The following MRPL13 variants were observed in gnomAD, a reference collection of about 807,000 sequenced individuals.
MRPL13 encodes large ribosomal subunit protein uL13m.
MRPL13 carries 33 observed loss-of-function variants against 29.0 expected under a neutral mutation model. The ratio of observed to expected loss-of-function variants is 1.14; its 90% CI spans 0.86 to 1.52. The LOEUF is 1.52. MRPL13 is among the 40% of genes most tolerant of loss of function. The pLI is 0.00. For missense variants in MRPL13, 227 were observed against 216.7 expected (o/e 1.05, Z -0.30); for synonymous variants, 77 against 68.4 (o/e 1.13, Z -0.62).
At chr8:120,397,361 G>A (rs1812536360) in intron 6 of MRPL13, among the ~76,000 whole-genome samples, 1 of 152,292 alleles carries the variant, frequency 6.6e-6, no homozygotes, top group South Asian at 2.1e-4. Flanking sequence ...AGGGAGCCAA[G>A]CGGTGTTGTT....
At chr8:120,427,680 A>T (rs1294188237) in intron 3 of MRPL13, among the ~76,000 whole-genome samples, 1 of 152,068 alleles carries the variant, frequency 6.6e-6, no homozygotes, top group East Asian at 1.9e-4. Context: ...ACCAGAGATG[A>T]AGGCTGGGTA....
intron 6 of MRPL13, among the ~76,000 whole-genome samples, chr8:120,400,059 A>G (rs897617754): frequency 3.3e-5 from 5 of 152,198 alleles, no homozygotes; most frequent in African/African-American, 1.2e-4. Flanking sequence ...CCCCACTGAC[A>G]ATATTTGACA....
intron 3 of MRPL13, among the ~76,000 whole-genome samples, chr8:120,428,140 A>C (rs1470171298): frequency 8.7e-5 from 13 of 149,546 alleles, no homozygotes; most frequent in African/African-American, 2.2e-4. Flanking sequence ...AAAAAAAAAA[A>C]AAAAAAACCA....
rs1473986715 is a variant in MRPL13 at position 120,414,172 on chromosome 8, A to T, written c.394-60T>A. ...AAAATATCTTTCTTAGCAATAAATT[A>T]CTAATACTTCATAAGTGTTAAAAAA... On this transcript the variant is annotated intron_variant, in intron 5 of 6. Transcript: ENST00000306185. The T allele has an allele frequency of 1.6e-5, 20 of 1,217,282 alleles. No individual in the cohort carries two copies. The African/African-American group carries it at 2.9e-4, about 18-fold the overall frequency. The allele number at this position is 1,217,282 out of a possible 1,614,324, so 75.4% of individuals were successfully genotyped here. A position where few individuals can be genotyped will look rare whatever the true frequency, so the allele number is the denominator to read the frequency against.
intron 2 of MRPL13, among the ~76,000 whole-genome samples, chr8:120,438,236 C>A (rs567620486): frequency 1.3e-5 from 2 of 152,118 alleles, no homozygotes; most frequent in Non-Finnish European, 2.9e-5. Context: ...TGATGGTACA[C>A]GCCTATAGTC....
At chr8:120,413,677 G>C (rs1192483148) in intron 6 of MRPL13, among the ~76,000 whole-genome samples, 1 of 152,162 alleles carries the variant, frequency 6.6e-6, no homozygotes, top group African/African-American at 2.4e-5. Flanking sequence ...GTGGAAAACT[G>C]AGAATCATTA....
chr8:120,443,349 A>G (rs1429828955), intron 1 of MRPL13, 41 bp from the exon 2 acceptor site: 1 of 1,461,244 alleles, frequency 6.8e-7, no homozygotes, highest in South Asian at 1.4e-5. Flanking sequence ...GAAAAAATAA[A>G]GATAATTATC....
chr8:120,411,447 T>C (rs1463492319), intron 6 of MRPL13, among the ~76,000 whole-genome samples: 1 of 152,194 alleles, frequency 6.6e-6, no homozygotes, highest in African/African-American at 2.4e-5. Flanking sequence ...GATAAGCTTT[T>C]GGTTAATCCA....
chr8:120,442,634 G>A (rs893270575), intron 2 of MRPL13, among the ~76,000 whole-genome samples: 1 of 152,056 alleles, frequency 6.6e-6, no homozygotes, highest in African/African-American at 2.4e-5. Flanking sequence ...GAAGTGCTGG[G>A]GTAAATGAAG....
intron 2 of MRPL13, among the ~76,000 whole-genome samples, chr8:120,436,398 C>T (rs374188684): frequency 1.5e-4 from 23 of 151,940 alleles, no homozygotes; most frequent in Non-Finnish European, 1.9e-4. Context: ...TATCTCACTG[C>T]GGTTTTAATT....
Position 120,408,507 on chromosome 8 carries a change from T to G in MRPL13, c.515+5484A>C, listed in dbSNP as rs1812703614. ...TGAAGTCTATCATTGAAGTCAATGC[T>G]GAACTGGTTGAAATAGGTAGGAAAG... is the stretch of plus-strand genomic sequence containing the variant. On this transcript the variant is annotated intron_variant, in intron 6 of 6. Coordinates refer to ENST00000306185, the MANE Select transcript of MRPL13 (RefSeq NM_014078.6). Among the ~76,000 whole-genome samples the G allele has an allele frequency of 5.9e-5, 9 of 152,314 alleles. No individual in the cohort carries two copies. The South Asian group carries it at 1.9e-3, about 32-fold the overall frequency.
Position 120,433,481 on chromosome 8 carries a change from ATTG to A in MRPL13, c.152-1361_152-1359del, listed in dbSNP as rs567817973. On this transcript the variant is annotated intron_variant, in intron 2 of 6. Transcript: ENST00000306185. ...CCATTAAAACTGAATTTATTTTTAA[ATTG>A]TTAAGTTTTAAATATAGGTAAAGCA... 7.9e-5 allele frequency among the ~76,000 whole-genome samples: 12 copies of A among 152,242 alleles called. No individual in the cohort carries two copies. In the East Asian group the frequency reaches 2.1e-3, roughly 27 times the overall value.
At chr8:120,414,237 A>G (rs1563772861) in intron 5 of MRPL13, 125 bp from the exon 6 acceptor site, 1 of 781,466 alleles carries the variant, frequency 1.3e-6, no homozygotes, top group African/African-American at 1.8e-5. Flanking sequence ...AAAACATAAA[A>G]TCTTTAAAAT....
intron 5 of MRPL13, among the ~76,000 whole-genome samples, chr8:120,416,769 G>A (rs926874746): frequency 2.4e-4 from 36 of 152,104 alleles, no homozygotes; most frequent in Admixed American, 3.3e-4. Context: ...CTTTTTGGAT[G>A]AACCATTTTA....
chr8:120,399,438 C>G (rs972746202), intron 6 of MRPL13, among the ~76,000 whole-genome samples: 1 of 152,096 alleles, frequency 6.6e-6, no homozygotes, highest in African/African-American at 2.4e-5. Context: ...TTCAGACAAA[C>G]AAATACTGAG....
At chr8:120,406,608 C>G (rs927015465) in intron 6 of MRPL13, among the ~76,000 whole-genome samples, 5 of 149,272 alleles carry the variant, frequency 3.3e-5, no homozygotes, top group Non-Finnish European at 7.4e-5. Context: ...TTATCTAATA[C>G]AGCTATGATA....
intron 1 of MRPL13, among the ~76,000 whole-genome samples, chr8:120,443,591 A>C (rs1813155856): frequency 6.6e-6 from 1 of 151,906 alleles, no homozygotes; most frequent in Admixed American, 6.6e-5. Flanking sequence ...AAATATCCCA[A>C]AGATATATTT....
intron 6 of MRPL13, among the ~76,000 whole-genome samples, chr8:120,401,648 G>A (rs1812599022): frequency 6.6e-6 from 1 of 152,126 alleles, no homozygotes; most frequent in Non-Finnish European, 1.5e-5. Context: ...GGAAGCTCTG[G>A]CCAGGGCAAT....
intron 1 of MRPL13, among the ~76,000 whole-genome samples, chr8:120,444,431 T>TG (rs1394843493): frequency 6.6e-6 from 1 of 152,122 alleles, no homozygotes; most frequent in Non-Finnish European, 1.5e-5. Flanking sequence ...CAAAAAACCT[T>TG]GGGGTAATCC....
Sources: gnomAD v4.1 joint callset for allele counts (sites outside exome capture counted in the v4.1 genomes callset) on GRCh38, gnomAD v4.1.1 for gene constraint, MANE v1.5 for transcripts, NCBI Gene and HGNC (gene_info 2026-07-23, HGNC 2026-07-21) for gene names.